Variants in AGAP1 observed in about 807,000 individuals in gnomAD.
AGAP1 encodes arf-GAP with GTPase, ANK repeat and PH domain-containing protein 1.
A neutral mutation model predicts 105.3 loss-of-function variants in AGAP1; 29 were observed. The observed-to-expected ratio is 0.28, with a 90% CI of 0.21 to 0.38. AGAP1 has a LOEUF of 0.38. AGAP1 is among the 10% of genes least tolerant of loss of function. The pLI is 1.00. For synonymous variants in AGAP1, 509 were observed against 485.9 expected (o/e 1.05, Z -0.63); for missense variants, 998 against 1,165.1 (o/e 0.86, Z 2.09).
At position 235,577,583 on chromosome 2, in the gene AGAP1, C is replaced by T. The variant is rs560426175; in HGVS notation, c.163+82734C>T. Among the ~76,000 whole-genome samples the T allele has an allele frequency of 7.2e-5, 11 of 152,170 alleles. No homozygotes were observed. The highest frequency in any genetic ancestry group is 1.2e-4 in the Non-Finnish European group (8 of 68,022). On this transcript the variant is annotated intron_variant, in intron 1 of 17. Transcript: ENST00000304032. This position sits in a 1 kb window ranked among gnomAD's most constrained non-coding sequence, Gnocchi z 4.5. ...TGGGAGCTGAGAGTCCCTTGCTGCC[C>T]GGAGCATGGCTGTGTGGCTGCCTGA...
chr2:235,782,606 A>T (rs764301857), intron 6 of AGAP1, among the ~76,000 whole-genome samples: 1 of 152,168 alleles, frequency 6.6e-6, no homozygotes, highest in Non-Finnish European at 1.5e-5. Context: ...CTTCAAAATG[A>T]ATTTGCAAAA....
chr2:235,859,038 G>C (rs1195526431), intron 9 of AGAP1, among the ~76,000 whole-genome samples: 1 of 152,188 alleles, frequency 6.6e-6, no homozygotes, highest in African/African-American at 2.4e-5. Context: ...ATTTAGCACA[G>C]CATGAAGCAA....
rs560654473 is a variant in AGAP1 at position 235,499,608 on chromosome 2, G to C, written c.163+4759G>C. ...AATGCGGGCGTTCCTTGTGAGTCCA[G>C]CTTACTCATGCTTCTCAGTTGTGGT... is the stretch of plus-strand genomic sequence containing the variant. On this transcript the variant is annotated intron_variant, in intron 1 of 17. Coordinates refer to ENST00000304032, the MANE Select transcript of AGAP1 (RefSeq NM_001037131.3). 3.3e-5 allele frequency among the ~76,000 whole-genome samples: 5 copies of C among 152,296 alleles called. No individual in the cohort carries two copies. In the South Asian group the frequency reaches 8.3e-4, roughly 25 times the overall value.
chr2:235,711,471 A>C (rs1263361900), intron 2 of AGAP1, among the ~76,000 whole-genome samples: 1 of 152,220 alleles, frequency 6.6e-6, no homozygotes, highest in Non-Finnish European at 1.5e-5. Flanking sequence ...TGTAGGAGAC[A>C]GTTGCGTTTG....
In AGAP1 at chr2:236,109,425, A is replaced by T. The variant is rs1460639735; in HGVS notation, c.2115-10767A>T. ...ATTCATCTTTGTAATTATTATAAAT[A>T]TTTATAATAATAAATTATAGATAGT... On this transcript the variant is annotated intron_variant, in intron 16 of 17. Transcript: ENST00000304032. This position sits in a 1 kb window ranked among gnomAD's most constrained non-coding sequence, Gnocchi z 5.4. Among the ~76,000 whole-genome samples, 1 of 152,070 alleles carries T rather than the reference A, an allele frequency of 6.6e-6. No homozygotes were observed.
At position 236,040,895 on chromosome 2, in the gene AGAP1, G is replaced by T; in HGVS notation, c.1891+54G>T. ...GGCGCTGTGTAGCTGGAGACCACAT[G>T]GTCCCACTAGGCCCGGGTTGCAGGG... On this transcript the variant is annotated intron_variant, in intron 15 of 17. Transcript: ENST00000304032. The surrounding 1 kb of genome is among the most constrained non-coding windows in gnomAD (Gnocchi z 5.6). 1 of 1,582,392 alleles carries T rather than the reference G, an allele frequency of 6.3e-7. No homozygotes were observed. Among genetic ancestry groups the T allele is most frequent in the East Asian group, 2.2e-5 (1 of 44,616 alleles).
At chr2:235,707,040 T>C (rs939377592) in intron 1 of AGAP1, among the ~76,000 whole-genome samples, 2 of 152,238 alleles carry the variant, frequency 1.3e-5, no homozygotes, top group African/African-American at 4.8e-5. Flanking sequence ...CGGGTAATGT[T>C]TGTCTGCAGC....
intron 6 of AGAP1, among the ~76,000 whole-genome samples, chr2:235,760,107 G>A (rs550093689): frequency 1.1e-3 from 169 of 152,292 alleles, no homozygotes; most frequent in Middle Eastern, 6.8e-3. Context: ...TGGGCTGGGC[G>A]CAGAGGTTCA....
chr2:235,890,084 C>G (rs1437404607), intron 10 of AGAP1, among the ~76,000 whole-genome samples: 1 of 151,872 alleles, frequency 6.6e-6, no homozygotes, highest in Non-Finnish European at 1.5e-5. Context: ...GGTCCCTGCA[C>G]TTCCATGCTG....
Position 235,837,224 on chromosome 2 carries a change from A to G in AGAP1, c.1050+29893A>G, listed in dbSNP as rs531147890. Among the ~76,000 whole-genome samples the G allele has an allele frequency of 9.9e-5, 15 of 152,266 alleles. No homozygotes were observed. In the South Asian group the frequency reaches 2.9e-3, roughly 30 times the overall value. ...GGTCTTGAACTCCTGACCTCAGGTG[A>G]TCCGCCCACCTCGGCCTCCCAAAGT... On this transcript the variant is annotated intron_variant, in intron 9 of 17. Transcript: ENST00000304032.
chr2:235,810,283 C>T (rs1958064491), intron 9 of AGAP1, among the ~76,000 whole-genome samples: 1 of 152,224 alleles, frequency 6.6e-6, no homozygotes, highest in South Asian at 2.1e-4. Flanking sequence ...TTGCCGCAAA[C>T]ATGTTCTCTG....
intron 9 of AGAP1, among the ~76,000 whole-genome samples, chr2:235,815,101 T>G (rs1464708839): frequency 6.6e-6 from 1 of 152,102 alleles, no homozygotes; most frequent in Non-Finnish European, 1.5e-5. Flanking sequence ...ACCTAGGAAG[T>G]GCCACGCTCC....
chr2:235,575,886 C>T (rs1256778444), intron 1 of AGAP1, among the ~76,000 whole-genome samples: 5 of 152,100 alleles, frequency 3.3e-5, no homozygotes, highest in African/African-American at 9.6e-5. Flanking sequence ...TGTCTGCTGT[C>T]GACATCAGAT....
rs1444497110 is a variant in AGAP1, at chr2:235,882,482, T to C, written c.1051-863T>C. Reference sequence around the variant, plus strand: ...AGCTGGCGATTCCCCCCACGTCTGGTTTGTCTGCCATTTTCTTAAAACAAT... The same window carrying C: ...AGCTGGCGATTCCCCCCACGTCTGGCTTGTCTGCCATTTTCTTAAAACAAT... On this transcript the variant is annotated intron_variant, in intron 9 of 17. Coordinates refer to ENST00000304032, the MANE Select transcript of AGAP1 (RefSeq NM_001037131.3). The surrounding 1 kb of genome is among the most constrained non-coding windows in gnomAD (Gnocchi z 4.6). The C allele has an allele frequency of 6.4e-7, 1 of 1,554,554 alleles. No individual in the cohort carries two copies. The highest frequency in any genetic ancestry group is 2.3e-5 in the East Asian group (1 of 43,866).
At chr2:235,643,055 G>A (rs1947250636) in intron 1 of AGAP1, among the ~76,000 whole-genome samples, 1 of 152,174 alleles carries the variant, frequency 6.6e-6, no homozygotes, top group Non-Finnish European at 1.5e-5. Context: ...CCAGGGACCA[G>A]CTCCTTCCCC....
At position 235,988,675 on chromosome 2, in the gene AGAP1, A is replaced by G. The variant is rs762725857; in HGVS notation, c.1645+20052A>G. On this transcript the variant is annotated intron_variant, in intron 13 of 17. Transcript: ENST00000304032. The surrounding 1 kb of genome is among the most constrained non-coding windows in gnomAD (Gnocchi z 4.7). ...AGTAATGAGGGGGCCCAGTGGGTAA[A>G]TGGAATCTTAAAGACGAGAAATGAT... Among the ~76,000 whole-genome samples the G allele has an allele frequency of 3.9e-5, 6 of 152,104 alleles. No homozygotes were observed. Among genetic ancestry groups the G allele is most frequent in the Non-Finnish European group, 7.3e-5 (5 of 68,028 alleles).
intron 11 of AGAP1, among the ~76,000 whole-genome samples, chr2:235,928,437 G>C (rs1327412792): frequency 6.6e-6 from 1 of 152,196 alleles, no homozygotes; most frequent in Non-Finnish European, 1.5e-5. Context: ...CACCCAGCAA[G>C]ACAACTGCTC....
intron 16 of AGAP1, among the ~76,000 whole-genome samples, chr2:236,110,762 G>A (rs1438782055): frequency 6.6e-6 from 1 of 152,176 alleles, no homozygotes; most frequent in Non-Finnish European, 1.5e-5. Flanking sequence ...AATAAAGATG[G>A]AGAAATTATG....
chr2:235,671,072 C>T lies in AGAP1; in HGVS notation c.164-38107C>T, dbSNP rs931039121. Reference sequence around the variant, plus strand: ...CCCGCGCAGAGGTGGGCAGCGTGGCCGGGGGTCCCGGGACGGGAAGGGGCG... The same window carrying T: ...CCCGCGCAGAGGTGGGCAGCGTGGCTGGGGGTCCCGGGACGGGAAGGGGCG... On this transcript the variant is annotated intron_variant, in intron 1 of 17. Coordinates refer to ENST00000304032, the MANE Select transcript of AGAP1 (RefSeq NM_001037131.3). 2.5e-5 allele frequency: 31 copies of T among 1,260,738 alleles called. No individual in the cohort carries two copies. In the Admixed American group the frequency reaches 5.9e-4, roughly 24 times the overall value. The allele number at this position is 1,260,738 out of a possible 1,614,324, so 78.1% of individuals were successfully genotyped here.
Sources: allele counts gnomAD v4.1 joint callset (sites outside exome capture counted in the v4.1 genomes callset), GRCh38; gene constraint gnomAD v4.1.1; non-coding constraint Gnocchi (gnomAD v3.1); transcripts MANE v1.5; gene names NCBI Gene and HGNC (gene_info 2026-07-23, HGNC 2026-07-21).